The following SLC5A4 variants were observed in gnomAD, a reference collection of about 807,000 sequenced individuals.
The protein encoded by SLC5A4 is probable glucose sensor protein SLC5A4.
A neutral mutation model predicts 70.3 loss-of-function variants in SLC5A4; 55 were observed. The ratio of observed to expected loss-of-function variants is 0.78; its 90% CI spans 0.63 to 0.98. SLC5A4 has a LOEUF of 0.98. Ranked by LOEUF, SLC5A4 falls within the 50% of genes least tolerant of loss-of-function variation. SLC5A4 has a pLI of 0.00. For missense variants in SLC5A4, 735 were observed against 839.2 expected (o/e 0.88, Z 1.53); for synonymous variants, 268 against 305.7 (o/e 0.88, Z 1.29).
the SLC5A4 span, among the ~76,000 whole-genome samples, chr22:32,279,092 C>T: frequency 1.3e-5 from 2 of 152,024 alleles, no homozygotes; most frequent in African/African-American, 4.8e-5. Context: ...CTGGCTAACA[C>T]GGTGAAACCC....
chr22:32,321,577 A>G, the SLC5A4 span, among the ~76,000 whole-genome samples: 1 of 152,180 alleles, frequency 6.6e-6, no homozygotes. Context: ...CATGAAACCT[A>G]GTACCCATTA....
At chr22:32,285,930 G>T in the SLC5A4 span, among the ~76,000 whole-genome samples, 3 of 152,026 alleles carry the variant, frequency 2.0e-5, no homozygotes, top group South Asian at 6.2e-4. Context: ...TAGAGACGGG[G>T]TTTCACCGTG....
the SLC5A4 span, among the ~76,000 whole-genome samples, chr22:32,336,596 G>A: frequency 6.6e-6 from 1 of 152,320 alleles, no homozygotes; most frequent in South Asian, 2.1e-4. Context: ...GCTCCTAATG[G>A]GAGCTGTTTC....
At chr22:32,311,124 ACCACCCCAGGTC>A in the SLC5A4 span, among the ~76,000 whole-genome samples, 1 of 152,052 alleles carries the variant, frequency 6.6e-6, no homozygotes, top group Non-Finnish European at 1.5e-5. Flanking sequence ...GCCTTCCCAG[ACCACCCCAGGTC>A]CACGAGGGTC....
chr22:32,218,522 A>T lies in SLC5A4; in HGVS notation c.1972T>A (p.Tyr658Asn). Reference protein sequence around the residue: ...LAVVVFIHGYYA With the variant: ...LAVVVFIHGYNA ...AATGGCTCAGATAGAGTTCAGGCAT[A>T]GTAGCCGTGAATAAAGACCACCACA... Residue 658 changes from tyrosine (Y) to asparagine (N), a missense_variant, in exon 15 of 15, where the codon TAT becomes AAT. Physicochemically the swap from Tyr to Asn is moderately radical, Grantham distance 143 (BLOSUM62 -2). Transcript: ENST00000266086. The T allele has an allele frequency of 6.2e-7, 1 of 1,608,354 alleles. No individual in the cohort carries two copies. The highest frequency in any genetic ancestry group is 8.5e-7 in the Non-Finnish European group (1 of 1,175,698).
chr22:32,349,863 T>C, the SLC5A4 span, among the ~76,000 whole-genome samples: 1 of 152,216 alleles, frequency 6.6e-6, no homozygotes, highest in Non-Finnish European at 1.5e-5. Flanking sequence ...GGACAAGAAT[T>C]TGTAATACAA....
the SLC5A4 span, among the ~76,000 whole-genome samples, chr22:32,326,920 C>T: frequency 1.3e-5 from 2 of 152,284 alleles, no homozygotes; most frequent in East Asian, 3.9e-4. Flanking sequence ...ATGTGGGTGC[C>T]TCTGGGAACT....
chr22:32,237,741 A>G (rs1926146782), intron 6 of SLC5A4, among the ~76,000 whole-genome samples: 1 of 152,138 alleles, frequency 6.6e-6, no homozygotes, highest in African/African-American at 2.4e-5. Context: ...TCAGTACCAG[A>G]TATAGTTACT....
the SLC5A4 span, among the ~76,000 whole-genome samples, chr22:32,335,987 G>C: frequency 1.3e-5 from 2 of 152,202 alleles, no homozygotes; most frequent in Non-Finnish European, 1.5e-5. Flanking sequence ...ATCTATTCTT[G>C]GAAGCAGGTA....
intron 8 of SLC5A4, among the ~76,000 whole-genome samples, chr22:32,233,323 G>A (rs1925870699): frequency 6.6e-6 from 1 of 152,186 alleles, no homozygotes; most frequent in Admixed American, 6.5e-5. Context: ...CAGCAACATG[G>A]ATGGAACCGG....
the SLC5A4 span, among the ~76,000 whole-genome samples, chr22:32,349,913 CTTT>C: frequency 1.3e-5 from 2 of 152,170 alleles, no homozygotes; most frequent in African/African-American, 4.8e-5. Context: ...TCATAACCTT[CTTT>C]ACCATAAATA....
chr22:32,307,587 TCTTCTAGCTCGCCTGACTG>T, the SLC5A4 span, among the ~76,000 whole-genome samples: 1 of 152,204 alleles, frequency 6.6e-6, no homozygotes, highest in Non-Finnish European at 1.5e-5. Flanking sequence ...GATCCTGACC[TCTTCTAGCTCGCCTGACTG>T]CTTAACATTT....
At chr22:32,347,248 C>T in the SLC5A4 span, among the ~76,000 whole-genome samples, 2 of 152,322 alleles carry the variant, frequency 1.3e-5, no homozygotes, top group African/African-American at 4.8e-5. Context: ...CACTTTCACA[C>T]TGTTGGTGGG....
At chr22:32,318,660 T>G in the SLC5A4 span, among the ~76,000 whole-genome samples, 1 of 152,150 alleles carries the variant, frequency 6.6e-6, no homozygotes. Context: ...TTGCAGTGGG[T>G]GTCTGTGCTG....
chr22:32,315,814 A>AAG, the SLC5A4 span, among the ~76,000 whole-genome samples: 1 of 61,478 alleles, frequency 1.6e-5, no homozygotes, highest in African/African-American at 6.3e-5. Flanking sequence ...AAAAAAAAAA[A>AAG]AGAGACTGGA....
chr22:32,235,862 G>A (rs1926027221), intron 7 of SLC5A4, among the ~76,000 whole-genome samples: 1 of 152,212 alleles, frequency 6.6e-6, no homozygotes, highest in South Asian at 2.1e-4. Flanking sequence ...GGACTACTAT[G>A]CGCCAAACAC....
upstream of SLC5A4, among the ~76,000 whole-genome samples, chr22:32,259,691 G>A (rs1310291077): frequency 6.6e-6 from 1 of 152,068 alleles, no homozygotes; most frequent in Non-Finnish European, 1.5e-5. Flanking sequence ...TTGGTATCAG[G>A]GTCATGCAAG....
chr22:32,257,058 T>G (rs1883324032), upstream of SLC5A4, among the ~76,000 whole-genome samples: 1 of 152,236 alleles, frequency 6.6e-6, no homozygotes, highest in Non-Finnish European at 1.5e-5. Flanking sequence ...TTTCTCCATA[T>G]CCTCTTCAAT....
rs374220218 is a variant in SLC5A4, at chr22:32,224,318, C to T, written c.1614G>A (p.Met538Ile). Reference protein sequence around the residue: ...YFSIVLFFGSMLVTLGISLLT... With the variant: ...YFSIVLFFGSILVTLGISLLT... ...AGAGGGAAATTCCCAGGGTGACCAG[C>T]ATGGACCCAAAAAAGAGAACGATGG... The change falls in exon 13 of 15, where the codon ATG becomes ATA. Residue 538 changes from methionine to isoleucine, a missense_variant. Transcript: ENST00000266086. 5 of 1,613,958 alleles carry T rather than the reference C, an allele frequency of 3.1e-6. No homozygotes were observed. Among genetic ancestry groups the T allele is most frequent in the Non-Finnish European group, 4.2e-6 (5 of 1,179,980 alleles).
Sources: allele counts gnomAD v4.1 joint callset (sites outside exome capture counted in the v4.1 genomes callset), GRCh38; gene constraint gnomAD v4.1.1; transcripts MANE v1.5; gene names NCBI Gene and HGNC (gene_info 2026-07-23, HGNC 2026-07-21).